The following INO80C variants were observed in gnomAD, a reference collection of about 807,000 sequenced individuals.
The protein encoded by INO80C is INO80 complex subunit C, also known as IES6 homolog.
Under a neutral mutation model 17.7 loss-of-function variants are expected in INO80C, and 17 were observed. That is an observed-to-expected ratio of 0.96 (90% confidence interval 0.66 to 1.44). The LOEUF (loss-of-function observed/expected upper bound fraction) is 1.44, where lower values mean the gene tolerates loss of function less well. Ranked by LOEUF, INO80C falls within the 40% of genes most tolerant of loss-of-function variation. The probability of loss-of-function intolerance (pLI) is 0.00; values close to 1 mark genes in which losing one functional copy is unlikely to be tolerated. For synonymous variants in INO80C, 96 were observed against 95.8 expected, an observed-to-expected ratio of 1.00 and a Z score of -0.01; for missense variants, 244 against 245.0, an observed-to-expected ratio of 1.00 and a Z score of 0.03.
At chr18:35,483,774 C>A (rs976197196) in intron 1 of INO80C, 1 of 152,120 alleles carries the variant, frequency 6.6e-6, no homozygotes, top group Non-Finnish European at 1.5e-5. Context: ...TGGAAAGAAA[C>A]AACTGAGTGT....
chr18:35,478,354 G>GGAAA lies in INO80C; in HGVS notation c.380-6_380-5insTTTC. On this transcript the variant is annotated splice_region_variant and splice_polypyrimidine_tract_variant and intron_variant, in intron 3 of 4. Transcript: ENST00000334598. ...GAGGAGCATCAATACTGAAGTCTGGGAAAAAAAAAAAAAAAAGATAACTAA... is the reference window on the plus strand; with the variant it reads ...GAGGAGCATCAATACTGAAGTCTGGGGAAAAAAAAAAAAAAAAAAAGATAACTAA... 1 of 1,279,454 alleles carries GGAAA rather than the reference G, an allele frequency of 7.8e-7. No homozygotes were observed. Among genetic ancestry groups the GGAAA allele is most frequent in the East Asian group, 2.8e-5 (1 of 35,126 alleles). The allele number at this position is 1,279,454 out of a possible 1,614,324, so 79.3% of individuals were successfully genotyped here. A position where few individuals can be genotyped will look rare whatever the true frequency, so the allele number is the denominator to read the frequency against.
intron 4 of INO80C, among the ~76,000 whole-genome samples, chr18:35,474,921 G>A (rs2045716804): frequency 6.6e-6 from 1 of 152,076 alleles, no homozygotes; most frequent in African/African-American, 2.4e-5. Flanking sequence ...CCAGAACAGA[G>A]CATCCAAGAG....
chr18:35,468,461 AAC>A lies in INO80C; in HGVS notation c.*148_*149del. On this transcript the variant is annotated 3_prime_UTR_variant, in exon 5 of 5. Transcript: ENST00000334598. Reference sequence around the variant, plus strand: ...GAAAACACACACTAAAAAAAAAAAAAACCCTTAAATTAAAGCCAAACATTCTT... The same window carrying A: ...GAAAACACACACTAAAAAAAAAAAAACCTTAAATTAAAGCCAAACATTCTT... 1.4e-6 allele frequency: 2 copies of A among 1,470,028 alleles called. No homozygotes were observed. Among genetic ancestry groups the A allele is most frequent in the South Asian group, 1.5e-5 (1 of 68,330 alleles). 91.1% of individuals were successfully genotyped at this position (1,470,028 alleles called of 1,614,324 possible).
chr18:35,488,937 AG>A (rs2045906055), intron 1 of INO80C: 1 of 150,960 alleles, frequency 6.6e-6, no homozygotes, highest in Non-Finnish European at 1.5e-5. Context: ...CCTCTAGGGC[AG>A]GGGCAAAATG....
chr18:35,492,942 C>T (rs1326620754), intron 1 of INO80C, among the ~76,000 whole-genome samples: 1 of 152,182 alleles, frequency 6.6e-6, no homozygotes, highest in Non-Finnish European at 1.5e-5. Context: ...TTTCTCTGTA[C>T]CATGAATTTG....
chr18:35,481,562 T>C (rs1443377335), intron 1 of INO80C, among the ~76,000 whole-genome samples: 2 of 152,208 alleles, frequency 1.3e-5, no homozygotes, highest in African/African-American at 4.8e-5. Context: ...TGTACTCTAG[T>C]GTCTGGATTC....
intron 4 of INO80C, among the ~76,000 whole-genome samples, chr18:35,469,473 A>G (rs1338023695): frequency 6.6e-6 from 1 of 151,996 alleles, no homozygotes; most frequent in Non-Finnish European, 1.5e-5. Context: ...CCCGGCCTCT[A>G]AGTTCCTCCC....
chr18:35,482,162 C>T (rs1051045332), intron 1 of INO80C, among the ~76,000 whole-genome samples: 1 of 152,072 alleles, frequency 6.6e-6, no homozygotes, highest in Admixed American at 6.5e-5. Flanking sequence ...CAAGTCACTG[C>T]CAAATCATGT....
At chr18:35,469,524 C>T (rs2045644357) in intron 4 of INO80C, among the ~76,000 whole-genome samples, 1 of 152,094 alleles carries the variant, frequency 6.6e-6, no homozygotes, top group South Asian at 2.1e-4. Flanking sequence ...GCAGGGGACC[C>T]CAACTGCAGC....
rs1389236377 is a variant in INO80C at position 35,478,285 on chromosome 18, C to T, written c.444G>A (p.Leu148=). Residue 148 remains leucine (L), a synonymous_variant, in exon 4 of 5, where the codon CTG becomes CTA. Transcript: ENST00000334598. ...TAAGAGATATAATCATACTCACAAG[C>T]AGACCTGAAACATCAGAATACTTCT... is the stretch of plus-strand genomic sequence containing the variant. The part of the protein sequence containing the change: ...PAKKYSDVSG[L]LANYTDPQSK... 1 of 1,597,534 alleles carries T rather than the reference C, an allele frequency of 6.3e-7. No individual in the cohort carries two copies. Among genetic ancestry groups the T allele is most frequent in the Non-Finnish European group, 8.6e-7 (1 of 1,168,132 alleles).
intron 1 of INO80C, among the ~76,000 whole-genome samples, chr18:35,484,105 G>A (rs1006852815): frequency 2.0e-5 from 3 of 152,110 alleles, no homozygotes; most frequent in Admixed American, 1.3e-4. Context: ...CAAGGTTAAA[G>A]GCCAAAAAGA....
intron 1 of INO80C, among the ~76,000 whole-genome samples, chr18:35,482,614 C>T (rs1050582215): frequency 1.3e-5 from 2 of 152,170 alleles, no homozygotes. Flanking sequence ...TCATCCTCTC[C>T]ACTTCTAAGG....
chr18:35,492,048 A>C (rs1453169772), intron 1 of INO80C, among the ~76,000 whole-genome samples: 4 of 152,226 alleles, frequency 2.6e-5, no homozygotes, highest in Non-Finnish European at 5.9e-5. Flanking sequence ...CTCTCCAGAC[A>C]GTAGTGTGCT....
At chr18:35,486,239 A>C (rs539783873) in intron 1 of INO80C, among the ~76,000 whole-genome samples, 1 of 152,380 alleles carries the variant, frequency 6.6e-6, no homozygotes, top group South Asian at 2.1e-4. Context: ...AAAAAATTAC[A>C]CTAACAAAAA....
At chr18:35,481,808 T>C (rs2045812029) in intron 1 of INO80C, among the ~76,000 whole-genome samples, 1 of 152,110 alleles carries the variant, frequency 6.6e-6, no homozygotes, top group South Asian at 2.1e-4. Context: ...CACTTGAACC[T>C]GGGAGGCGGA....
chr18:35,480,675 G>GT, intron 1 of INO80C, 112 bp from the exon 2 acceptor site: 1 of 817,982 alleles, frequency 1.2e-6, no homozygotes. Context: ...AGGGAAGACA[G>GT]TATGCCCAGA....
chr18:35,468,784 T>C (rs759303309), intron 4 of INO80C, 42 bp from the exon 5 acceptor site: 7 of 1,576,256 alleles, frequency 4.4e-6, no homozygotes, highest in Non-Finnish European at 6.1e-6. Flanking sequence ...AAGTTTTTGC[T>C]GGTAGGGATA....
At chr18:35,471,180 C>T (rs778240865) in intron 4 of INO80C, among the ~76,000 whole-genome samples, 15 of 152,158 alleles carry the variant, frequency 9.9e-5, no homozygotes, top group South Asian at 2.1e-4. Context: ...AAGCAACAGA[C>T]GAACACGTTC....
intron 1 of INO80C, chr18:35,489,526 C>T (rs754419107): frequency 3.9e-4 from 60 of 154,696 alleles, no homozygotes; most frequent in Admixed American, 2.1e-3. Flanking sequence ...AGTTATATCA[C>T]ACTGGGTTCC....
Sources: gnomAD v4.1 joint callset for allele counts (sites outside exome capture counted in the v4.1 genomes callset) on GRCh38, gnomAD v4.1.1 for gene constraint, MANE v1.5 for transcripts, NCBI Gene and HGNC (gene_info 2026-07-23, HGNC 2026-07-21) for gene names.